SGCZ: variants seen among roughly 807,000 people sequenced by gnomAD.
The protein encoded by SGCZ is zeta-sarcoglycan.
SGCZ carries 40 observed loss-of-function variants against 41.3 expected under a neutral mutation model. That is an observed-to-expected ratio of 0.97 (90% confidence interval 0.75 to 1.26). SGCZ has a LOEUF of 1.26. Ranked by LOEUF, SGCZ falls within the 50% of genes most tolerant of loss-of-function variation. SGCZ has a pLI of 0.00. For synonymous variants in SGCZ, 206 were observed against 137.5 expected (o/e 1.50, Z -3.49); for missense variants, 552 against 369.8 (o/e 1.49, Z -4.04).
rs532497451 is a variant in SGCZ at position 14,297,819 on chromosome 8, T to C, written c.336+26284A>G. ...AAAAGTATAAGCACAAGTCGCTTTG[T>C]TGGGAAACTATTTCAAACTTTTAGA... On this transcript the variant is annotated intron_variant, in intron 3 of 7. Coordinates refer to ENST00000382080, the MANE Select transcript of SGCZ (RefSeq NM_139167.4). Among the ~76,000 whole-genome samples, 97 of 152,150 alleles carry C rather than the reference T, an allele frequency of 6.4e-4. 1 individual carries two copies. The highest frequency in any genetic ancestry group is 3.4e-3 in the Middle Eastern group (1 of 294).
At chr8:14,299,733 TA>T (rs757146240) in intron 3 of SGCZ, among the ~76,000 whole-genome samples, 23 of 151,938 alleles carry the variant, frequency 1.5e-4, no homozygotes, top group Non-Finnish European at 3.2e-4. Context: ...TACATCCACT[TA>T]AAAAAACTCA....
chr8:14,608,134 A>T (rs549573410), intron 1 of SGCZ, among the ~76,000 whole-genome samples: 50 of 152,318 alleles, frequency 3.3e-4, no homozygotes, highest in African/African-American at 1.2e-3. Context: ...GATAATTACA[A>T]TAAAAAGGCA....
chr8:15,060,037 C>A (rs1268699829), intron 1 of SGCZ, among the ~76,000 whole-genome samples: 2 of 152,174 alleles, frequency 1.3e-5, no homozygotes, highest in Non-Finnish European at 2.9e-5. Context: ...GCTTTGTTTG[C>A]AGCAAGCAAC....
chr8:14,312,562 T>C (rs1801583633), intron 3 of SGCZ, among the ~76,000 whole-genome samples: 1 of 152,088 alleles, frequency 6.6e-6, no homozygotes, highest in African/African-American at 2.4e-5. Flanking sequence ...GAAGCTCCAG[T>C]GTGCGATAAT....
At chr8:15,081,044 A>C (rs1022544164) in intron 1 of SGCZ, among the ~76,000 whole-genome samples, 1 of 152,072 alleles carries the variant, frequency 6.6e-6, no homozygotes. Flanking sequence ...TTGATCTTCG[A>C]CCTCCAGCCT....
intron 3 of SGCZ, among the ~76,000 whole-genome samples, chr8:14,283,215 T>G (rs1427615200): frequency 6.6e-6 from 1 of 152,160 alleles, no homozygotes; most frequent in Non-Finnish European, 1.5e-5. Context: ...CAATCTTAAA[T>G]GACTATCTAG....
intron 1 of SGCZ, among the ~76,000 whole-genome samples, chr8:14,637,350 T>C (rs1014850311): frequency 1.3e-5 from 2 of 151,584 alleles, no homozygotes; most frequent in Non-Finnish European, 2.9e-5. Context: ...AGACTCGGAG[T>C]ACACGTGCAG....
intron 1 of SGCZ, among the ~76,000 whole-genome samples, chr8:15,112,219 A>G (rs1362074933): frequency 6.6e-6 from 1 of 152,238 alleles, no homozygotes; most frequent in Admixed American, 6.5e-5. Flanking sequence ...CAAATTCCTA[A>G]GAAGAAAATA....
chr8:14,808,721 C>T (rs1801635687), intron 1 of SGCZ, among the ~76,000 whole-genome samples: 1 of 151,958 alleles, frequency 6.6e-6, no homozygotes, highest in African/African-American at 2.4e-5. Flanking sequence ...CCAGCCATCC[C>T]ATTACTGGGT....
intron 4 of SGCZ, among the ~76,000 whole-genome samples, chr8:14,169,163 T>A (rs1563164500): frequency 6.6e-6 from 1 of 152,148 alleles, no homozygotes; most frequent in Admixed American, 6.5e-5. Flanking sequence ...AAGGTACAAC[T>A]TGACATTCCA....
At chr8:14,470,442 G>C (rs1801183093) in intron 2 of SGCZ, among the ~76,000 whole-genome samples, 3 of 151,866 alleles carry the variant, frequency 2.0e-5, no homozygotes, top group Non-Finnish European at 4.4e-5. Flanking sequence ...TAATTAGGAA[G>C]GAACAAATTC....
rs879859674 is a variant in SGCZ, at chr8:14,234,537, T to C, written c.424+3055A>G. On this transcript the variant is annotated intron_variant, in intron 4 of 7. Coordinates refer to ENST00000382080, the MANE Select transcript of SGCZ (RefSeq NM_139167.4). ...TGCATTCTATTGGTAGACAATAGAA[T>C]TGTTTTACTTAGAAAATGAAGAGTA... 5.3e-5 allele frequency among the ~76,000 whole-genome samples: 8 copies of C among 152,212 alleles called. No individual in the cohort carries two copies. In the East Asian group the frequency reaches 7.7e-4, roughly 15 times the overall value.
At chr8:14,400,549 G>C (rs896067217) in intron 2 of SGCZ, among the ~76,000 whole-genome samples, 1 of 152,124 alleles carries the variant, frequency 6.6e-6, no homozygotes, top group African/African-American at 2.4e-5. Context: ...TTCCAAGCAA[G>C]ATTATCTATA....
chr8:15,089,040 C>T (rs1806054133), intron 1 of SGCZ, among the ~76,000 whole-genome samples: 1 of 152,142 alleles, frequency 6.6e-6, no homozygotes, highest in Admixed American at 6.6e-5. Context: ...ATGAGCAACA[C>T]ATTTTATTGC....
chr8:14,877,737 C>G (rs1440799626), intron 1 of SGCZ, among the ~76,000 whole-genome samples: 1 of 152,046 alleles, frequency 6.6e-6, no homozygotes, highest in Admixed American at 6.6e-5. Context: ...ATAAGTTTCA[C>G]AATGGGAGCT....
intron 2 of SGCZ, among the ~76,000 whole-genome samples, chr8:14,327,135 T>C (rs573922279): frequency 2.0e-5 from 3 of 152,288 alleles, no homozygotes; most frequent in East Asian, 1.9e-4. Flanking sequence ...TGAAGGTCAA[T>C]GGATGTTAAG....
intron 2 of SGCZ, among the ~76,000 whole-genome samples, chr8:14,550,575 G>A (rs376470790): frequency 1.3e-5 from 2 of 151,988 alleles, no homozygotes; most frequent in Middle Eastern, 3.4e-3. Context: ...TGCAGGATCC[G>A]CTGGGAATTA....
intron 1 of SGCZ, among the ~76,000 whole-genome samples, chr8:14,988,853 G>A (rs1266821964): frequency 6.6e-6 from 1 of 152,122 alleles, no homozygotes; most frequent in Non-Finnish European, 1.5e-5. Context: ...TTTATTTCTG[G>A]ATATTTAAAG....
chr8:14,225,763 C>A (rs758105075), intron 4 of SGCZ, among the ~76,000 whole-genome samples: 6 of 151,982 alleles, frequency 3.9e-5, no homozygotes, highest in South Asian at 2.1e-4. Context: ...GCCACCTCAA[C>A]TGGAAATTAT....
Sources: allele counts gnomAD v4.1 joint callset (sites outside exome capture counted in the v4.1 genomes callset), GRCh38; gene constraint gnomAD v4.1.1; transcripts MANE v1.5; gene names NCBI Gene and HGNC (gene_info 2026-07-23, HGNC 2026-07-21).